EPC1: variants seen among roughly 807,000 people sequenced by gnomAD.
EPC1 encodes the protein enhancer of polycomb homolog 1.
A neutral mutation model predicts 98.4 loss-of-function variants in EPC1; 12 were observed. The observed-to-expected ratio is 0.12, with a 90% CI of 0.08 to 0.20. The LOEUF (loss-of-function observed/expected upper bound fraction) is 0.20, where lower values mean the gene tolerates loss of function less well. Among genes scored for constraint, EPC1 ranks in the 10% least tolerant of loss-of-function variants. The probability of loss-of-function intolerance (pLI) is 1.00; values close to 1 mark genes in which losing one functional copy is unlikely to be tolerated. For missense variants in EPC1, 729 were observed against 990.5 expected (o/e 0.74, Z 3.54); for synonymous variants, 357 against 363.9 (o/e 0.98, Z 0.21).
intron 1 of EPC1, among the ~76,000 whole-genome samples, chr10:32,367,756 G>A (rs1270416574): frequency 6.6e-6 from 1 of 152,170 alleles, no homozygotes; most frequent in African/African-American, 2.4e-5. Flanking sequence ...GAAATAATAA[G>A]CAGACAACTG....
At chr10:32,274,941 C>T (rs904321075) in intron 10 of EPC1, among the ~76,000 whole-genome samples, 23 of 152,172 alleles carry the variant, frequency 1.5e-4, no homozygotes, top group African/African-American at 5.5e-4. Context: ...TCACTAGATA[C>T]TTTTGCCAAT....
chr10:32,292,618 G>A lies in EPC1; in HGVS notation c.693C>T (p.Tyr231=), dbSNP rs7911237. The part of the protein sequence containing the change: ...RKNRKNDEAS[Y]EKMLKLRRDL... The stretch of plus-strand genomic sequence containing the variant: ...CTCGTCGCAGCTTAAGCATTTTTTC[G>A]TAAGAGGCTTCATCATTTTTGCGAT... Residue 231 remains tyrosine (Y), a synonymous_variant, in exon 5 of 14, where the codon TAC becomes TAT. Coordinates refer to ENST00000319778, the MANE Select transcript of EPC1 (RefSeq NM_001272004.3). 5,887 of 1,602,432 alleles carry A rather than the reference G, an allele frequency of 3.7e-3. 202 individuals are homozygous for A. In the African/African-American group the frequency reaches 0.071, roughly 19 times the overall value.
At chr10:32,332,802 T>C (rs73247733) in intron 1 of EPC1, among the ~76,000 whole-genome samples, 7,984 of 152,314 alleles carry the variant, frequency 0.052, 661 homozygotes, top group African/African-American at 0.18. Flanking sequence ...AAGTAATACA[T>C]GTTGATACTG....
intron 1 of EPC1, chr10:32,345,725 C>T (rs1838729943): frequency 1.4e-6 from 1 of 705,500 alleles, no homozygotes; most frequent in African/African-American, 1.9e-5. Context: ...TAGTTGTCAA[C>T]ATTTACGTGC....
At chr10:32,282,216 A>G (rs1479610023) in intron 10 of EPC1, 1 of 152,196 alleles carries the variant, frequency 6.6e-6, no homozygotes, top group South Asian at 2.1e-4. Flanking sequence ...AGGAAAAAAA[A>G]TAGATAAACT....
At chr10:32,335,859 A>T (rs1348762459) in intron 1 of EPC1, among the ~76,000 whole-genome samples, 2 of 152,126 alleles carry the variant, frequency 1.3e-5, no homozygotes, top group Non-Finnish European at 2.9e-5. Flanking sequence ...TCTGAAGTTT[A>T]AACTCAAGCG....
chr10:32,342,730 C>G (rs1317552327), intron 1 of EPC1, among the ~76,000 whole-genome samples: 1 of 152,074 alleles, frequency 6.6e-6, no homozygotes, highest in Admixed American at 6.6e-5. Flanking sequence ...AAGTTGCCAC[C>G]CCCTCATAAA....
At chr10:32,359,220 CTTATAAATTTAAAATA>C (rs1839370074) in intron 1 of EPC1, among the ~76,000 whole-genome samples, 1 of 152,084 alleles carries the variant, frequency 6.6e-6, no homozygotes. Context: ...GCATAAAGAT[CTTATAAATTTAAAATA>C]TTATCCTTAT....
rs1835661322 is a variant in EPC1 at position 32,267,809 on chromosome 10, T to C, written c.*1254A>G. The C allele has an allele frequency of 6.6e-6, 1 of 152,236 alleles. No individual in the cohort carries two copies. The highest frequency in any genetic ancestry group is 2.1e-4 in the South Asian group (1 of 4,836). 9.4% of individuals were successfully genotyped at this position (152,236 alleles called of 1,614,324 possible). On this transcript the variant is annotated 3_prime_UTR_variant, in exon 14 of 14. Transcript: ENST00000319778. ...TTTGTGAGAATTCTATCACAATTTT[T>C]CCAGGTGGGATTAAAAACCTTAAGG...
chr10:32,345,161 T>A, intron 1 of EPC1: 1 of 981,618 alleles, frequency 1.0e-6, no homozygotes, highest in Non-Finnish European at 1.2e-6. Flanking sequence ...TATTAAAAAA[T>A]AAACAAATGG....
chr10:32,332,475 C>T (rs1044481102), intron 1 of EPC1, among the ~76,000 whole-genome samples: 2 of 152,144 alleles, frequency 1.3e-5, no homozygotes, highest in Admixed American at 6.5e-5. Context: ...AGTGATAGTA[C>T]GTCACTTCTA....
intron 1 of EPC1, among the ~76,000 whole-genome samples, chr10:32,339,199 CAT>C (rs1392402966): frequency 6.6e-6 from 1 of 152,054 alleles, no homozygotes; most frequent in Non-Finnish European, 1.5e-5. Flanking sequence ...TCTCTAAACA[CAT>C]AAAATTCTTT....
At chr10:32,346,627 G>A in intron 1 of EPC1, 136 bp downstream of exon 1, 1 of 905,524 alleles carries the variant, frequency 1.1e-6, no homozygotes, top group Non-Finnish European at 1.7e-6. Context: ...GCGGGGTATA[G>A]GCCCGGCCGG....
At chr10:32,293,502 C>T (rs1315726623) in intron 3 of EPC1, 90 bp downstream of exon 3, 1 of 1,239,588 alleles carries the variant, frequency 8.1e-7, no homozygotes, top group Non-Finnish European at 1.1e-6. Flanking sequence ...TGACTGATTA[C>T]CCCCAACCTG....
At chr10:32,290,483 C>CT (rs369289877) in intron 6 of EPC1, among the ~76,000 whole-genome samples, 3 of 40,146 alleles carry the variant, frequency 7.5e-5, no homozygotes, top group African/African-American at 2.7e-4. Context: ...AAGACTCTGT[C>CT]AAAAAAAAAA....
chr10:32,276,167 C>T (rs539095829), intron 10 of EPC1, among the ~76,000 whole-genome samples: 2 of 152,142 alleles, frequency 1.3e-5, no homozygotes, highest in Admixed American at 6.5e-5. Context: ...TCATAATTAG[C>T]TGAGTATTCC....
At chr10:32,291,588 C>A in intron 5 of EPC1, 1 of 226,924 alleles carries the variant, frequency 4.4e-6, no homozygotes, top group Non-Finnish European at 8.5e-6. Context: ...AAGTCTGTAC[C>A]CTTTGACCAA....
At chr10:32,277,150 A>G (rs1173737161) in intron 10 of EPC1, among the ~76,000 whole-genome samples, 1 of 152,236 alleles carries the variant, frequency 6.6e-6, no homozygotes, top group Non-Finnish European at 1.5e-5. Context: ...CTATCTTCTG[A>G]GGTACCAACA....
At chr10:32,286,292 T>C (rs773326077) in intron 9 of EPC1, 21 of 169,168 alleles carry the variant, frequency 1.2e-4, no homozygotes, top group Admixed American at 7.5e-4. Flanking sequence ...GATCAGGTTA[T>C]GCATGGATCC....
Sources: gnomAD v4.1 joint callset for allele counts (sites outside exome capture counted in the v4.1 genomes callset) on GRCh38, gnomAD v4.1.1 for gene constraint, MANE v1.5 for transcripts, NCBI Gene and HGNC (gene_info 2026-07-23, HGNC 2026-07-21) for gene names.